KCNT1: variants seen among roughly 807,000 people sequenced by gnomAD.
KCNT1 encodes potassium sodium-activated channel subfamily T member 1.
A neutral mutation model predicts 147.8 loss-of-function variants in KCNT1; 78 were observed. The observed-to-expected ratio is 0.53, with a 90% CI of 0.44 to 0.64. The LOEUF (loss-of-function observed/expected upper bound fraction) is 0.64. Ranked by LOEUF, KCNT1 falls within the 30% of genes least tolerant of loss-of-function variation. KCNT1 has a pLI of 0.00. For missense variants in KCNT1, 1,419 were observed against 1,750.3 expected (o/e 0.81, Z 3.38); for synonymous variants, 867 against 748.8 (o/e 1.16, Z -2.58).
rs1831505294 is a variant in KCNT1, at chr9:135,756,755, A to G, written c.541-118A>G. 3.5e-6 allele frequency: 3 copies of G among 859,954 alleles called. No individual in the cohort carries two copies. The Admixed American group carries it at 5.2e-5, about 15-fold the overall frequency. The allele number at this position is 859,954 out of a possible 1,614,324, so 53.3% of individuals were successfully genotyped here. A position where few individuals can be genotyped will look rare whatever the true frequency, so the allele number is the denominator to read the frequency against. ...TGTCCTGACATGGGAGTGAGGGTCA[A>G]GGCAGACCCCAGACACACACCTGGC... On this transcript the variant is annotated intron_variant, in intron 6 of 30. Coordinates refer to ENST00000371757, the MANE Select transcript of KCNT1 (RefSeq NM_020822.3).
At chr9:135,757,973 A>G (rs1290553283) in intron 9 of KCNT1, among the ~76,000 whole-genome samples, 1 of 152,230 alleles carries the variant, frequency 6.6e-6, no homozygotes, top group Non-Finnish European at 1.5e-5. Flanking sequence ...CTGAGACTTA[A>G]GCCTCATCCC....
At chr9:135,710,190 G>A (rs113702678) in intron 1 of KCNT1, among the ~76,000 whole-genome samples, 57 of 152,186 alleles carry the variant, frequency 3.7e-4, no homozygotes, top group African/African-American at 1.3e-3. Flanking sequence ...TTTGGGTTTC[G>A]TGTATTAAAT....
At chr9:135,747,455 G>A (rs1201766394) in intron 2 of KCNT1, among the ~76,000 whole-genome samples, 1 of 152,090 alleles carries the variant, frequency 6.6e-6, no homozygotes, top group African/African-American at 2.4e-5. Flanking sequence ...TCAGCCCCCG[G>A]GGGCAGCTCC....
chr9:135,781,210 A>G (rs965092417), intron 24 of KCNT1, among the ~76,000 whole-genome samples: 1 of 152,238 alleles, frequency 6.6e-6, no homozygotes, highest in African/African-American at 2.4e-5. Context: ...ACAGGGACCA[A>G]GGAGAAATCA....
intron 24 of KCNT1, among the ~76,000 whole-genome samples, chr9:135,781,009 G>GCCCGCCTT (rs1438496740): frequency 1.3e-5 from 2 of 152,216 alleles, no homozygotes; most frequent in African/African-American, 2.4e-5. Context: ...ACACGCTCCT[G>GCCCGCCTT]CCCGCCTTCC....
Position 135,730,695 on chromosome 9 carries a change from A to G in KCNT1, c.254+15975A>G, listed in dbSNP as rs1836394049. On this transcript the variant is annotated intron_variant, in intron 2 of 30. Coordinates refer to ENST00000371757, the MANE Select transcript of KCNT1 (RefSeq NM_020822.3). The surrounding 1 kb of genome is among the most constrained non-coding windows in gnomAD (Gnocchi z 4.7). ...ACCTCCGGGATGGTGTGCTTAAAAC[A>G]CTTGTGTTGGCCGGGTACGGTGGCT... 1.3e-5 allele frequency among the ~76,000 whole-genome samples: 2 copies of G among 152,046 alleles called. No homozygotes were observed. Among genetic ancestry groups the G allele is most frequent in the Admixed American group, 1.3e-4 (2 of 15,274 alleles).
Position 135,770,423 on chromosome 9 carries a change from A to G in KCNT1, c.1745A>G (p.Tyr582Cys), listed in dbSNP as rs1832673206. 6.2e-7 allele frequency: 1 copy of G among 1,612,834 alleles called. No homozygotes were observed. Among genetic ancestry groups the G allele is most frequent in the Non-Finnish European group, 8.5e-7 (1 of 1,179,578 alleles). Residue 582 changes from tyrosine to cysteine, a missense_variant, in exon 17 of 31, where the codon TAC becomes TGC. Physicochemically the swap from Tyr to Cys is radical, Grantham distance 194. Transcript: ENST00000371757. Reference sequence around the variant, plus strand: ...GAGTACGAGGGCAAGAGCTTCACCTACGCGGCCTTCCACGCCCACAAGAAG... The same window carrying G: ...GAGTACGAGGGCAAGAGCTTCACCTGCGCGGCCTTCCACGCCCACAAGAAG... ...FREYEGKSFT[Y>C]AAFHAHKKYG...
At chr9:135,768,725 G>T (rs988742525) in intron 14 of KCNT1, 52 bp downstream of exon 14, 1 of 1,535,814 alleles carries the variant, frequency 6.5e-7, no homozygotes, top group African/African-American at 1.4e-5. Context: ...TGGGGCCGGG[G>T]AGCGGGGGTC....
At chr9:135,758,706 C>T (rs1469778375) in intron 10 of KCNT1, among the ~76,000 whole-genome samples, 198 bp downstream of exon 10, 1 of 152,218 alleles carries the variant, frequency 6.6e-6, no homozygotes, top group Non-Finnish European at 1.5e-5. Flanking sequence ...CCCCAGTACA[C>T]GAGCAGCCCT....
chr9:135,775,271 C>T (rs1204497558), intron 19 of KCNT1, 39 bp from the exon 20 acceptor site: 4 of 1,512,966 alleles, frequency 2.6e-6, no homozygotes, highest in South Asian at 1.2e-5. Flanking sequence ...CCAGCCACCT[C>T]TGTGCAGCTG....
chr9:135,773,993 C>T (rs1311638092), intron 19 of KCNT1, among the ~76,000 whole-genome samples: 7 of 149,014 alleles, frequency 4.7e-5, no homozygotes, highest in African/African-American at 7.5e-5. Context: ...GGAGAAAGAC[C>T]GAGTAGGGCA....
At chr9:135,737,222 AGGCT>A (rs1198659099) in intron 2 of KCNT1, among the ~76,000 whole-genome samples, 2 of 152,174 alleles carry the variant, frequency 1.3e-5, no homozygotes, top group African/African-American at 4.8e-5. Context: ...CACAGGGCTC[AGGCT>A]GCCTGGGGAG....
chr9:135,707,317 C>T (rs73667695), intron 1 of KCNT1, among the ~76,000 whole-genome samples: 5,075 of 152,030 alleles, frequency 0.033, 212 homozygotes, highest in East Asian at 0.14. Context: ...GCCCCCACCA[C>T]GGCCTCCCCA....
Position 135,771,054 on chromosome 9 carries a change from G to T in KCNT1, c.1967G>T (p.Gly656Val). Reference sequence around the variant, plus strand: ...TTCTCGGGGCAGGGGCTGCACGAGGGTCCGGCCCGCCTGCCCGTGCACAGC... The same window carrying T: ...TTCTCGGGGCAGGGGCTGCACGAGGTTCCGGCCCGCCTGCCCGTGCACAGC... ...RAFSGQGLHE[G>V]PARLPVHSII... Residue 656 changes from glycine (G) to valine (V), a missense_variant, in exon 18 of 31, where the codon GGT becomes GTT. Physicochemically the swap from Gly to Val is moderately radical, Grantham distance 109 (BLOSUM62 -3). Around this residue, in one of 5 missense-constraint regions of KCNT1, gnomAD observed 284 missense variants for 292.8 expected, o/e 0.97. Transcript: ENST00000371757. The T allele has an allele frequency of 1.2e-6, 2 of 1,612,262 alleles. No homozygotes were observed. The highest frequency in any genetic ancestry group is 1.7e-6 in the Non-Finnish European group (2 of 1,179,402).
At chr9:135,758,973 G>A (rs1411637739) in intron 10 of KCNT1, among the ~76,000 whole-genome samples, 2 of 152,212 alleles carry the variant, frequency 1.3e-5, no homozygotes, top group Non-Finnish European at 2.9e-5. Flanking sequence ...TCTGCCTTGG[G>A]TCCCAGCGAG....
chr9:135,714,011 T>G lies in KCNT1; in HGVS notation c.111-566T>G, dbSNP rs528985389. 1.3e-4 allele frequency among the ~76,000 whole-genome samples: 20 copies of G among 152,144 alleles called. No homozygotes were observed. In the South Asian group the frequency reaches 4.1e-3, roughly 32 times the overall value. ...CTGACCTGAGCTGAGCTGCTCCGCCTGGGGAGGCTGCAAACAAGGGTGTCT... is the reference window on the plus strand; with the variant it reads ...CTGACCTGAGCTGAGCTGCTCCGCCGGGGGAGGCTGCAAACAAGGGTGTCT... On this transcript the variant is annotated intron_variant, in intron 1 of 30. Transcript: ENST00000371757. This position sits in a 1 kb window ranked among gnomAD's most constrained non-coding sequence, Gnocchi z 6.2.
chr9:135,742,962 T>A (rs894894826), intron 2 of KCNT1: 2 of 636,452 alleles, frequency 3.1e-6, no homozygotes, highest in Non-Finnish European at 2.8e-6. Context: ...CGCTGGTGCC[T>A]CTGGGTCCCA....
chr9:135,742,759 T>C (rs776176767), intron 2 of KCNT1: 7 of 717,300 alleles, frequency 9.8e-6, no homozygotes, highest in Non-Finnish European at 1.8e-5. Context: ...TTGATGCCCC[T>C]CTGTGTCCCC....
At chr9:135,766,006 G>A (rs1832249308) in intron 13 of KCNT1, among the ~76,000 whole-genome samples, 1 of 151,862 alleles carries the variant, frequency 6.6e-6, no homozygotes, top group African/African-American at 2.4e-5. Context: ...CATTTAGGTG[G>A]ACCATACAGG....
Sources: gnomAD v4.1 joint callset for allele counts (sites outside exome capture counted in the v4.1 genomes callset) on GRCh38, gnomAD v4.1.1 for gene constraint, gnomAD v4.1.1 regional missense constraint, Gnocchi (gnomAD v3.1) non-coding constraint, MANE v1.5 for transcripts, NCBI Gene and HGNC (gene_info 2026-07-23, HGNC 2026-07-21) for gene names.